GP6: variants seen among roughly 807,000 people sequenced by gnomAD.
GP6 encodes the protein glycoprotein VI platelet.
A neutral mutation model predicts 37.3 loss-of-function variants in GP6; 45 were observed. That is an observed-to-expected ratio of 1.21 (90% confidence interval 0.95 to 1.55). GP6 has a LOEUF of 1.55. Among genes scored for constraint, GP6 ranks in the 40% most tolerant of loss-of-function variants. GP6 has a pLI of 0.00. For missense variants in GP6, 813 were observed against 760.2 expected (o/e 1.07, Z -0.82); for synonymous variants, 340 against 316.4 (o/e 1.07, Z -0.79).
intron 3 of GP6, 72 bp from the exon 4 acceptor site, chr19:55,027,934 A>G (rs868348723): frequency 3.3e-5 from 48 of 1,475,936 alleles, no homozygotes; most frequent in African/African-American, 2.6e-4. Context: ...AGGTCCCCAC[A>G]CCTGCCTAAG....
At chr19:55,027,998 A>G in intron 3 of GP6, 136 bp from the exon 4 acceptor site, 1 of 843,116 alleles carries the variant, frequency 1.2e-6, no homozygotes, top group Non-Finnish European at 2.0e-6. Flanking sequence ...CCCCCACCCA[A>G]GCTCACAGAG....
intron 4 of GP6, among the ~76,000 whole-genome samples, chr19:55,025,604 G>T (rs944407256): frequency 1.3e-5 from 2 of 152,128 alleles, no homozygotes; most frequent in Admixed American, 6.6e-5. Context: ...TGCTCGGGAG[G>T]CTGAGGCAGG....
At chr19:55,028,539 A>G (rs1456194549) in intron 3 of GP6, among the ~76,000 whole-genome samples, 1 of 152,248 alleles carries the variant, frequency 6.6e-6, no homozygotes, top group East Asian at 1.9e-4. Flanking sequence ...CAGGTGATGT[A>G]TGTTAATTAG....
chr19:55,021,520 G>GGTTTTTTT lies in GP6; in HGVS notation c.665-2810_665-2809insAAAAAAAC, dbSNP rs556854980. Among the ~76,000 whole-genome samples the GGTTTTTTT allele has an allele frequency of 9.5e-5, 12 of 126,244 alleles. 4 individuals are homozygous for GGTTTTTTT. The highest frequency in any genetic ancestry group is 9.6e-5 in the Non-Finnish European group (6 of 62,326). 82.8% of individuals were successfully genotyped at this position (126,244 alleles called of 152,430 possible). A position where few individuals can be genotyped will look rare whatever the true frequency, so the allele number is the denominator to read the frequency against. On this transcript the variant is annotated intron_variant, in intron 5 of 7. Coordinates refer to ENST00000310373, the MANE Select transcript of GP6 (RefSeq NM_001083899.2). Reference sequence around the variant, plus strand: ...ACCTGTTGTTTCTTGACTTTTGTTGGTTTTTTTTTTTTTTTTTTGAGATGG... The same window carrying GGTTTTTTT: ...ACCTGTTGTTTCTTGACTTTTGTTGGGTTTTTTTTTTTTTTTTTTTTTTTTTGAGATGG...
intron 5 of GP6, among the ~76,000 whole-genome samples, chr19:55,024,315 C>CGCACACATGCACGCAT (rs1568612987): frequency 1.3e-4 from 17 of 135,746 alleles, no homozygotes; most frequent in African/African-American, 2.4e-4. Flanking sequence ...CACATATGCA[C>CGCACACATGCACGCAT]GCACACACAC....
chr19:55,034,118 GTGTATATGTA>G (rs1022382907), intron 1 of GP6, among the ~76,000 whole-genome samples: 10 of 114,418 alleles, frequency 8.7e-5, no homozygotes, highest in African/African-American at 2.3e-4. Flanking sequence ...ACATACACAC[GTGTATATGTA>G]TGTATATGTA....
chr19:55,035,040 G>C (rs1197196782), intron 1 of GP6, among the ~76,000 whole-genome samples: 1 of 152,144 alleles, frequency 6.6e-6, no homozygotes, highest in African/African-American at 2.4e-5. Flanking sequence ...CCATGGCTGG[G>C]AGTCTTCCAG....
At chr19:55,036,183 T>G (rs917286560) in intron 1 of GP6, among the ~76,000 whole-genome samples, 2 of 152,024 alleles carry the variant, frequency 1.3e-5, no homozygotes, top group Non-Finnish European at 2.9e-5. Flanking sequence ...TTCTCACTTA[T>G]AAGTGAGAGC....
At chr19:55,036,364 T>C (rs1446597522) in intron 1 of GP6, among the ~76,000 whole-genome samples, 2 of 152,094 alleles carry the variant, frequency 1.3e-5, no homozygotes, top group African/African-American at 4.8e-5. Context: ...AATTCATCCA[T>C]GTAACCAAGA....
chr19:55,036,082 A>G (rs979904557), intron 1 of GP6, among the ~76,000 whole-genome samples: 1 of 152,008 alleles, frequency 6.6e-6, no homozygotes, highest in Non-Finnish European at 1.5e-5. Flanking sequence ...TTAAAAAAAA[A>G]AAAAAAAAGT....
chr19:55,024,038 C>T (rs1214819618), intron 5 of GP6, among the ~76,000 whole-genome samples: 3 of 152,122 alleles, frequency 2.0e-5, no homozygotes, highest in African/African-American at 4.8e-5. Flanking sequence ...GATGGTGACG[C>T]GAATCTACAA....
At chr19:55,026,035 G>A (rs1171464576) in intron 4 of GP6, among the ~76,000 whole-genome samples, 6 of 145,360 alleles carry the variant, frequency 4.1e-5, no homozygotes, top group Non-Finnish European at 7.5e-5. Flanking sequence ...AGCAGCATTT[G>A]TAAAGCACAC....
rs1427571299 is a variant in GP6, at chr19:55,015,123, A to G, written c.822T>C (p.Asp274=). 1 of 1,580,676 alleles carries G rather than the reference A, an allele frequency of 6.3e-7. No homozygotes were observed. Among genetic ancestry groups the G allele is most frequent in the Non-Finnish European group, 8.6e-7 (1 of 1,163,114 alleles). ...TATTAGGATCACAGCCCCGAGGCAT[A>G]TCCGGACCAGGTTGCCCTTGGTGTA... Residue 274 remains aspartate, a synonymous_variant, in exon 8 of 8, where the codon GAT becomes GAC. Transcript: ENST00000310373.
rs779925828 is a variant in GP6, at chr19:55,014,330, T to C, written c.1615A>G (p.Ile539Val). ...GGTTTCACCATGTTGCACAGGCTGATCTTGTTTTCTAATGTGAAGGGAAGC... is the reference window on the plus strand; with the variant it reads ...GGTTTCACCATGTTGCACAGGCTGACCTTGTTTTCTAATGTGAAGGGAAGC... The change falls in exon 8 of 8, where the codon ATC (isoleucine) becomes GTC (valine). Residue 539 changes from isoleucine to valine, a missense_variant. By Grantham distance (29) the Ile-to-Val change is conservative (BLOSUM62 3). Coordinates refer to ENST00000310373, the MANE Select transcript of GP6 (RefSeq NM_001083899.2). The C allele has an allele frequency of 1.2e-6, 2 of 1,601,148 alleles. No individual in the cohort carries two copies. The highest frequency in any genetic ancestry group is 1.1e-5 in the South Asian group (1 of 90,846).
chr19:55,024,909 A>G (rs200500511), intron 5 of GP6, among the ~76,000 whole-genome samples: 4 of 148,958 alleles, frequency 2.7e-5, no homozygotes, highest in South Asian at 4.3e-4. Flanking sequence ...TTGGTTGGTT[A>G]GTTTGTTTGT....
chr19:55,038,128 A>T (rs1467748956), intron 1 of GP6, 75 bp downstream of exon 1: 11 of 1,246,230 alleles, frequency 8.8e-6, no homozygotes, highest in Non-Finnish European at 1.2e-5. Flanking sequence ...ACCAATGCAA[A>T]TTTCTTAAAA....
chr19:55,025,034 T>A lies in GP6; in HGVS notation c.664+184A>T, dbSNP rs180858708. On this transcript the variant is annotated intron_variant, in intron 5 of 7. Coordinates refer to ENST00000310373, the MANE Select transcript of GP6 (RefSeq NM_001083899.2). ...ACCTAGAGTAGGATTGGGGGCAGCA[T>A]CTTAACATCTAACTACTTAGGACAC... is the stretch of plus-strand genomic sequence containing the variant. Among the ~76,000 whole-genome samples, 172 of 152,324 alleles carry A rather than the reference T, an allele frequency of 1.1e-3. 2 individuals are homozygous for A. The highest frequency in any genetic ancestry group is 3.4e-3 in the Middle Eastern group (1 of 294).
intron 6 of GP6, among the ~76,000 whole-genome samples, chr19:55,018,420 G>A (rs534023807): frequency 6.6e-6 from 1 of 152,198 alleles, no homozygotes; most frequent in Non-Finnish European, 1.5e-5. Context: ...CGGTCGTCCC[G>A]CCACAGCCTT....
intron 5 of GP6, among the ~76,000 whole-genome samples, chr19:55,023,936 C>T (rs1488683908): frequency 1.5e-5 from 2 of 131,372 alleles, no homozygotes; most frequent in Non-Finnish European, 3.3e-5. Flanking sequence ...TTAGGGATGG[C>T]AAGGGAAGGA....
Sources: allele counts gnomAD v4.1 joint callset (sites outside exome capture counted in the v4.1 genomes callset), GRCh38; gene constraint gnomAD v4.1.1; transcripts MANE v1.5; gene names NCBI Gene and HGNC (gene_info 2026-07-23, HGNC 2026-07-21).